DTWD2: variants seen among roughly 807,000 people sequenced by gnomAD.
DTWD2 encodes DTW motif tRNA-uridine aminocarboxypropyltransferase 2, also known as tRNA-uridine aminocarboxypropyltransferase 2.
In DTWD2, 39 loss-of-function variants were observed where a neutral mutation model predicts 31.8. The ratio of observed to expected loss-of-function variants is 1.22; its 90% confidence interval spans 0.95 to 1.60. DTWD2 has a LOEUF of 1.60. Ranked by LOEUF, DTWD2 falls within the 40% of genes most tolerant of loss-of-function variation. DTWD2 has a pLI of 0.00. For missense variants in DTWD2, 515 were observed against 381.5 expected, an observed-to-expected ratio of 1.35 and a Z score of -2.92; for synonymous variants, 180 against 142.8, an observed-to-expected ratio of 1.26 and a Z score of -1.86.
chr5:118,969,208 C>T (rs1394696382), intron 1 of DTWD2, among the ~76,000 whole-genome samples: 1 of 152,018 alleles, frequency 6.6e-6, no homozygotes, highest in Non-Finnish European at 1.5e-5. Context: ...GGGGGGGAAG[C>T]GGTGACTGTA....
At chr5:118,948,615 TG>T (rs1355943392) in intron 1 of DTWD2, among the ~76,000 whole-genome samples, 1 of 151,980 alleles carries the variant, frequency 6.6e-6, no homozygotes, top group Non-Finnish European at 1.5e-5. Context: ...AGGAATAATG[TG>T]GGGGCCAGCC....
At chr5:118,937,445 G>C (rs537617020) in intron 3 of DTWD2, among the ~76,000 whole-genome samples, 1 of 150,582 alleles carries the variant, frequency 6.6e-6, no homozygotes, top group African/African-American at 2.4e-5. Context: ...TTGTTGCCTT[G>C]GCATCCATTT....
At chr5:118,936,208 T>C (rs1030309180) in intron 3 of DTWD2, among the ~76,000 whole-genome samples, 2 of 152,066 alleles carry the variant, frequency 1.3e-5, no homozygotes, top group Non-Finnish European at 2.9e-5. Flanking sequence ...AATCACAATA[T>C]AACAGAATTG....
At position 118,848,176 on chromosome 5, in the gene DTWD2, T is replaced by C; in HGVS notation, c.640A>G (p.Met214Val). 2.5e-6 allele frequency: 4 copies of C among 1,606,766 alleles called. No homozygotes were observed. Among genetic ancestry groups the C allele is most frequent in the Admixed American group, 1.7e-5 (1 of 58,962 alleles). The change falls in exon 5 of 6, where the codon ATG becomes GTG. Residue 214 changes from methionine (M) to valine (V), a missense_variant. By Grantham distance (21) the Met-to-Val change is conservative. Coordinates refer to ENST00000510708, the MANE Select transcript of DTWD2 (RefSeq NM_173666.4). ...TSISSQYVIRMQPTNRCLSTL... is the reference protein window; with the variant it reads ...TSISSQYVIRVQPTNRCLSTL... ...GAAAGGCATCTATTAGTCGGCTGCA[T>C]CCGAATTACATACTGACTAGAAATG...
At chr5:118,961,906 T>C (rs1197767477) in intron 1 of DTWD2, among the ~76,000 whole-genome samples, 1 of 152,200 alleles carries the variant, frequency 6.6e-6, no homozygotes. Context: ...CATAAGAGCA[T>C]ATAATAGTGC....
intron 4 of DTWD2, among the ~76,000 whole-genome samples, chr5:118,898,145 A>T (rs1753122344): frequency 6.6e-6 from 1 of 152,164 alleles, no homozygotes; most frequent in Admixed American, 6.5e-5. Context: ...GATTATAGGC[A>T]TGAGCCACCA....
In DTWD2 at chr5:118,973,857, A is replaced by C. The variant is rs1261132500; in HGVS notation, c.218+14437T>G. The stretch of plus-strand genomic sequence containing the variant: ...ACCACCAAGGACTTACAGGAGAAGA[A>C]GGAAGTTGTGGAAGAGGCAGAAAAT... On this transcript the variant is annotated intron_variant, in intron 1 of 5. Transcript: ENST00000510708. 5.0e-6 allele frequency: 8 copies of C among 1,612,198 alleles called. No individual in the cohort carries two copies. The Admixed American group carries it at 6.7e-5, about 13-fold the overall frequency.
intron 1 of DTWD2, among the ~76,000 whole-genome samples, chr5:118,963,638 G>A (rs1414381326): frequency 6.6e-6 from 1 of 152,136 alleles, no homozygotes; most frequent in African/African-American, 2.4e-5. Flanking sequence ...TGACAAAATG[G>A]AGTTTAGAAA....
chr5:118,876,812 G>C (rs1293760135), intron 4 of DTWD2, among the ~76,000 whole-genome samples: 1 of 152,150 alleles, frequency 6.6e-6, no homozygotes, highest in African/African-American at 2.4e-5. Context: ...AGAAGAGCTG[G>C]TATCATTCCA....
chr5:118,870,641 C>T (rs1452870258), intron 4 of DTWD2, among the ~76,000 whole-genome samples: 1 of 152,148 alleles, frequency 6.6e-6, no homozygotes, highest in Non-Finnish European at 1.5e-5. Flanking sequence ...AGTCATCCTC[C>T]TTTGGTGGAG....
chr5:118,965,340 G>A lies in DTWD2; in HGVS notation c.219-20691C>T, dbSNP rs574984570. Among the ~76,000 whole-genome samples the A allele has an allele frequency of 1.5e-3, 223 of 151,210 alleles. No individual in the cohort carries two copies. The Middle Eastern group carries it at 0.024, about 16-fold the overall frequency. ...TCTCCGCTCAGCCGCCACCCCGTCC[G>A]GGAGGTGAGGGGCGCCTCTGCCCGG... On this transcript the variant is annotated intron_variant, in intron 1 of 5. Transcript: ENST00000510708.
intron 1 of DTWD2, among the ~76,000 whole-genome samples, chr5:118,962,325 T>C (rs370210472): frequency 1.3e-5 from 2 of 152,224 alleles, no homozygotes; most frequent in Non-Finnish European, 1.5e-5. Flanking sequence ...GAGAATACAA[T>C]AGTGCTACAA....
At chr5:118,885,549 T>C (rs1752844289) in intron 4 of DTWD2, among the ~76,000 whole-genome samples, 2 of 150,276 alleles carry the variant, frequency 1.3e-5, no homozygotes, top group African/African-American at 4.9e-5. Flanking sequence ...GCGGATCACC[T>C]GAAGTCAGGA....
intron 4 of DTWD2, among the ~76,000 whole-genome samples, chr5:118,849,567 G>A (rs1751949034): frequency 1.3e-5 from 2 of 152,088 alleles, no homozygotes; most frequent in South Asian, 4.1e-4. Flanking sequence ...CTATAAAGAT[G>A]CATGCACACA....
At chr5:118,928,412 T>A (rs1301379775) in intron 4 of DTWD2, 125 bp downstream of exon 4, 1 of 524,934 alleles carries the variant, frequency 1.9e-6, no homozygotes, top group Non-Finnish European at 3.0e-6. Flanking sequence ...AGGTACTATA[T>A]ATTCACACAT....
rs1212349087 is a variant in DTWD2, at chr5:118,838,366, A to G, written c.*2551T>C. 2 of 145,908 alleles carry G rather than the reference A, an allele frequency of 1.4e-5. No individual in the cohort carries two copies. The highest frequency in any genetic ancestry group is 5.4e-5 in the African/African-American group (2 of 36,996). 9.0% of individuals were successfully genotyped at this position (145,908 alleles called of 1,614,324 possible). On this transcript the variant is annotated 3_prime_UTR_variant, in exon 6 of 6. Coordinates refer to ENST00000510708, the MANE Select transcript of DTWD2 (RefSeq NM_173666.4). The stretch of plus-strand genomic sequence containing the variant: ...ACAAGTAAAACCTACTATCAGCTAC[A>G]AATTCATAAAACTTGGAACTTCCAG...
intron 1 of DTWD2, among the ~76,000 whole-genome samples, chr5:118,973,276 T>C (rs1026628318): frequency 6.6e-6 from 1 of 152,200 alleles, no homozygotes; most frequent in Non-Finnish European, 1.5e-5. Flanking sequence ...CGTTGTTACG[T>C]ATGAATATGA....
In DTWD2 at chr5:118,968,502, C is replaced by G. The variant is rs545140994; in HGVS notation, c.218+19792G>C. ...TAAACCCACAGAGAGTGAGGAAAAG[C>G]AGGGTGGGGAGACGGCCCCTTCTGA... is the stretch of plus-strand genomic sequence containing the variant. On this transcript the variant is annotated intron_variant, in intron 1 of 5. Coordinates refer to ENST00000510708, the MANE Select transcript of DTWD2 (RefSeq NM_173666.4). Among the ~76,000 whole-genome samples the G allele has an allele frequency of 3.3e-5, 5 of 152,274 alleles. No homozygotes were observed. The South Asian group carries it at 1.0e-3, about 32-fold the overall frequency.
At chr5:118,860,082 T>G (rs1752226066) in intron 4 of DTWD2, among the ~76,000 whole-genome samples, 1 of 151,946 alleles carries the variant, frequency 6.6e-6, no homozygotes, top group Non-Finnish European at 1.5e-5. Context: ...CATTCCACTG[T>G]ACTCCAGCCA....
Sources: allele counts gnomAD v4.1 joint callset (sites outside exome capture counted in the v4.1 genomes callset), GRCh38; gene constraint gnomAD v4.1.1; transcripts MANE v1.5; gene names NCBI Gene and HGNC (gene_info 2026-07-23, HGNC 2026-07-21).